The following REEP5 variants were observed in gnomAD, a reference collection of about 807,000 sequenced individuals.
REEP5 encodes receptor expression-enhancing protein 5.
A neutral mutation model predicts 22.4 loss-of-function variants in REEP5; 24 were observed. The ratio of observed to expected loss-of-function variants is 1.07; its 90% CI spans 0.78 to 1.51. The LOEUF is 1.51. REEP5 is among the 40% of genes most tolerant of loss of function. REEP5 has a pLI of 0.00. For missense variants in REEP5, 252 were observed against 233.0 expected (o/e 1.08, Z -0.53); for synonymous variants, 103 against 88.6 (o/e 1.16, Z -0.92).
intron 3 of REEP5, among the ~76,000 whole-genome samples, chr5:112,899,183 A>G (rs1768783969): frequency 6.6e-6 from 1 of 151,610 alleles, no homozygotes; most frequent in Non-Finnish European, 1.5e-5. Flanking sequence ...GGCTCAAACC[A>G]TCCTCCCACC....
intron 4 of REEP5, among the ~76,000 whole-genome samples, chr5:112,884,234 T>TA (rs1768162757): frequency 1.3e-5 from 2 of 152,320 alleles, no homozygotes; most frequent in Admixed American, 6.5e-5. Flanking sequence ...CATTATGTGA[T>TA]ACGTCTTCCA....
chr5:112,888,597 A>G (rs1481363269), intron 3 of REEP5, among the ~76,000 whole-genome samples: 1 of 142,032 alleles, frequency 7.0e-6, no homozygotes, highest in Non-Finnish European at 1.5e-5. Context: ...CTAATTTTTT[A>G]TAACTTTTTT....
chr5:112,893,008 A>T, intron 3 of REEP5: 1 of 1,537,452 alleles, frequency 6.5e-7, no homozygotes, highest in Admixed American at 1.7e-5. Flanking sequence ...AAGTTCCTCT[A>T]GGTGCCGAAG....
chr5:112,878,968 T>G, intron 4 of REEP5, 133 bp from the exon 5 acceptor site: 1 of 1,388,652 alleles, frequency 7.2e-7, no homozygotes, highest in South Asian at 1.3e-5. Flanking sequence ...GCGATCATGT[T>G]GGGGTTTGTG....
At chr5:112,912,274 G>C (rs1231623731) in intron 2 of REEP5, among the ~76,000 whole-genome samples, 1 of 152,082 alleles carries the variant, frequency 6.6e-6, no homozygotes, top group Middle Eastern at 3.2e-3. Flanking sequence ...TCTGTGCATG[G>C]TTCATAAGTA....
In REEP5 at chr5:112,878,566, C is replaced by A; in HGVS notation, c.*220G>T. On this transcript the variant is annotated 3_prime_UTR_variant, in exon 5 of 5. Transcript: ENST00000379638. ...CTACCCAGAGGCAAAATACATTTTC[C>A]AAAAACGTGGACACTGCCCACTGCA... 2 of 564,826 alleles carry A rather than the reference C, an allele frequency of 3.5e-6. No individual in the cohort carries two copies. Among genetic ancestry groups the A allele is most frequent in the Non-Finnish European group, 5.8e-6 (2 of 342,388 alleles). 35.0% of individuals were successfully genotyped at this position (564,826 alleles called of 1,614,324 possible). A position where few individuals can be genotyped will look rare whatever the true frequency, so the allele number is the denominator to read the frequency against.
At position 112,876,888 on chromosome 5, in the gene REEP5, CATT is replaced by C. The variant is rs373369019; in HGVS notation, c.*1895_*1897del. ...TTAAAACTAATTTTAGCCTGTAAGT[CATT>C]ATGAGCAATAGTAACTTTTGTACCT... On this transcript the variant is annotated 3_prime_UTR_variant, in exon 5 of 5. Transcript: ENST00000379638. 611 of 152,098 alleles carry C rather than the reference CATT, an allele frequency of 4.0e-3. 2 individuals carry two copies. The highest frequency in any genetic ancestry group is 0.014 in the African/African-American group (588 of 41,496). 9.4% of individuals were successfully genotyped at this position (152,098 alleles called of 1,614,324 possible).
At position 112,902,420 on chromosome 5, in the gene REEP5, TC is replaced by T; in HGVS notation, c.310del (p.Asp104IlefsTer13). ...GVFSIAEFFS[D>X]IFLSWFPFYY... Reference sequence around the variant, plus strand: ...GAAGGGGAACCATGACAGGAAGATATCAGAGAAGAATTCAGCAATGCTGAAC... The same window carrying T: ...GAAGGGGAACCATGACAGGAAGATATAGAGAAGAATTCAGCAATGCTGAAC... On this transcript the variant is annotated frameshift_variant, in exon 3 of 5. Coordinates refer to ENST00000379638, the MANE Select transcript of REEP5 (RefSeq NM_005669.5). LOFTEE classifies it high-confidence loss of function. The T allele has an allele frequency of 1.2e-6, 2 of 1,613,072 alleles. No individual in the cohort carries two copies. Among genetic ancestry groups the T allele is most frequent in the South Asian group, 1.1e-5 (1 of 90,830 alleles).
chr5:112,880,252 A>T (rs1268939945), intron 4 of REEP5, among the ~76,000 whole-genome samples: 1 of 152,010 alleles, frequency 6.6e-6, no homozygotes, highest in Non-Finnish European at 1.5e-5. Context: ...ATCTCTATAG[A>T]AAAAAAAGAA....
At chr5:112,913,947 A>C (rs1284567603) in intron 2 of REEP5, among the ~76,000 whole-genome samples, 2 of 151,740 alleles carry the variant, frequency 1.3e-5, no homozygotes, top group Non-Finnish European at 2.9e-5. Flanking sequence ...TGCACCCAGG[A>C]GTTTGAGACC....
At chr5:112,884,258 A>G (rs1273175397) in intron 4 of REEP5, among the ~76,000 whole-genome samples, 1 of 151,976 alleles carries the variant, frequency 6.6e-6, no homozygotes, top group East Asian at 1.9e-4. Context: ...TCCATTCGCA[A>G]CTTCTTCCAC....
intron 2 of REEP5, among the ~76,000 whole-genome samples, chr5:112,905,206 G>A (rs1427966181): frequency 6.6e-6 from 1 of 152,180 alleles, no homozygotes; most frequent in African/African-American, 2.4e-5. Flanking sequence ...AAAAAGTGAA[G>A]TGCCCCATGT....
At chr5:112,893,094 TAAAAAAAAAA>T (rs552226372) in intron 3 of REEP5, 87 of 501,486 alleles carry the variant, frequency 1.7e-4, no homozygotes, top group African/African-American at 1.5e-3. Context: ...GTTTTGTTCT[TAAAAAAAAAA>T]AAAAAAAAAA....
At chr5:112,921,985 C>T (rs1038588627) in intron 1 of REEP5, 88 bp downstream of exon 1, 9 of 1,463,176 alleles carry the variant, frequency 6.2e-6, no homozygotes, top group Non-Finnish European at 4.6e-6. Flanking sequence ...CCACCTTTCC[C>T]GAGTCCTCTC....
chr5:112,893,023 G>T, intron 3 of REEP5: 1 of 1,540,184 alleles, frequency 6.5e-7, no homozygotes, highest in South Asian at 1.1e-5. Context: ...CCGAAGTCGT[G>T]GGAGGAGGAA....
chr5:112,921,823 G>T lies in REEP5; in HGVS notation c.118+250C>A, dbSNP rs540732963. The stretch of plus-strand genomic sequence containing the variant: ...GCGGGGCAGACATACGTCAGCGCTG[G>T]CCCTTCCAGCTGCCAGCGCCCGGCG... On this transcript the variant is annotated intron_variant, in intron 1 of 4. Transcript: ENST00000379638. 679 of 390,938 alleles carry T rather than the reference G, an allele frequency of 1.7e-3. 2 individuals carry two copies. Among genetic ancestry groups the T allele is most frequent in the African/African-American group, 0.012 (576 of 46,264 alleles). 24.2% of individuals were successfully genotyped at this position (390,938 alleles called of 1,614,324 possible). A position where few individuals can be genotyped will look rare whatever the true frequency, so the allele number is the denominator to read the frequency against.
chr5:112,910,626 T>C (rs1370646951), intron 2 of REEP5, among the ~76,000 whole-genome samples: 1 of 152,204 alleles, frequency 6.6e-6, no homozygotes, highest in Non-Finnish European at 1.5e-5. Context: ...AACTTCCAAA[T>C]TTATATCTGC....
At chr5:112,907,594 C>T (rs1044234914) in intron 2 of REEP5, among the ~76,000 whole-genome samples, 1 of 152,166 alleles carries the variant, frequency 6.6e-6, no homozygotes, top group African/African-American at 2.4e-5. Flanking sequence ...ATTAATCGAG[C>T]AGAATTAGGA....
intron 3 of REEP5, chr5:112,894,192 T>G (rs1768604677): frequency 6.6e-6 from 1 of 150,812 alleles, no homozygotes; most frequent in African/African-American, 2.4e-5. Flanking sequence ...CGTGATCAGC[T>G]CACTGCAACC....
Sources: allele counts gnomAD v4.1 joint callset (sites outside exome capture counted in the v4.1 genomes callset), GRCh38; gene constraint gnomAD v4.1.1; transcripts MANE v1.5; gene names NCBI Gene and HGNC (gene_info 2026-07-23, HGNC 2026-07-21).